Variants in RPGRIP1 observed in about 807,000 individuals in gnomAD.
The protein encoded by RPGRIP1 is X-linked retinitis pigmentosa GTPase regulator-interacting protein 1.
In RPGRIP1, 128 loss-of-function variants were observed where a neutral mutation model predicts 157.9. The observed-to-expected ratio is 0.81, with a 90% CI of 0.70 to 0.94. The LOEUF (loss-of-function observed/expected upper bound fraction) is 0.94. RPGRIP1 is among the 40% of genes least tolerant of loss of function. RPGRIP1 has a pLI of 0.00. For missense variants in RPGRIP1, 1,486 were observed against 1,545.8 expected (o/e 0.96, Z 0.65); for synonymous variants, 554 against 571.6 (o/e 0.97, Z 0.44).
intron 2 of RPGRIP1, among the ~76,000 whole-genome samples, chr14:21,288,290 C>T (rs1481966813): frequency 6.6e-6 from 1 of 150,840 alleles, no homozygotes; most frequent in African/African-American, 2.4e-5. Context: ...AAGCAATTCT[C>T]CTGTCTTAGC....
At chr14:21,341,271 A>G (rs777806512) in intron 21 of RPGRIP1, among the ~76,000 whole-genome samples, 2 of 152,132 alleles carry the variant, frequency 1.3e-5, no homozygotes, top group Non-Finnish European at 2.9e-5. Flanking sequence ...CCTCAGGTCA[A>G]CTGCCCGCCT....
intron 8 of RPGRIP1, among the ~76,000 whole-genome samples, chr14:21,311,278 G>A (rs551825200): frequency 2.0e-5 from 3 of 152,350 alleles, no homozygotes; most frequent in East Asian, 1.9e-4. Flanking sequence ...AGGGCCAGGC[G>A]CGGTGGCTCA....
intron 19 of RPGRIP1, among the ~76,000 whole-genome samples, chr14:21,330,042 C>T (rs1387083281): frequency 1.3e-5 from 2 of 151,196 alleles, no homozygotes; most frequent in African/African-American, 4.8e-5. Flanking sequence ...TGCTTGAACC[C>T]AGGAGGCGAA....
Position 21,321,291 on chromosome 14 carries a change from A to G in RPGRIP1, c.1500A>G (p.Lys500=). 1 of 1,613,804 alleles carries G rather than the reference A, an allele frequency of 6.2e-7. No homozygotes were observed. The highest frequency in any genetic ancestry group is 1.3e-5 in the African/African-American group (1 of 75,040). The change falls in exon 13 of 25, where the codon AAA becomes AAG. Residue 500 remains lysine, a synonymous_variant. Transcript: ENST00000400017. ...AACCCAAAAACCAAGAAGAAAAGAA[A>G]CTGTCCCAGGTGCTAAATGAGTTGC... ...PSEPKNQEEK[K]LSQVLNELQV... is the part of the protein sequence containing the mutation.
chr14:21,318,060 T>A (rs188133143), intron 11 of RPGRIP1: 32 of 693,980 alleles, frequency 4.6e-5, no homozygotes, highest in African/African-American at 4.4e-4. Context: ...TACTTTTTCC[T>A]ATATAATGTC....
At chr14:21,331,066 T>C (rs1037987205) in intron 20 of RPGRIP1, among the ~76,000 whole-genome samples, 5 of 151,594 alleles carry the variant, frequency 3.3e-5, no homozygotes, top group Admixed American at 3.3e-4. Flanking sequence ...TGTGCCACCA[T>C]CCCCGGCTAA....
rs1355679266 is a variant in RPGRIP1 at position 21,351,233 on chromosome 14, C to T, written c.*17C>T. ...TTTTCATGAAGGAACAAGTGCTATTCCAATCTAAAAGTCTCTGAGGGAACC... is the reference window on the plus strand; with the variant it reads ...TTTTCATGAAGGAACAAGTGCTATTTCAATCTAAAAGTCTCTGAGGGAACC... On this transcript the variant is annotated 3_prime_UTR_variant, in exon 25 of 25. Transcript: ENST00000400017. 2.0e-6 allele frequency: 3 copies of T among 1,470,468 alleles called. No individual in the cohort carries two copies. Among genetic ancestry groups the T allele is most frequent in the African/African-American group, 1.4e-5 (1 of 72,100 alleles). 91.1% of individuals were successfully genotyped at this position (1,470,468 alleles called of 1,614,324 possible). A position where few individuals can be genotyped will look rare whatever the true frequency, so the allele number is the denominator to read the frequency against.
intron 22 of RPGRIP1, among the ~76,000 whole-genome samples, 152 bp from the exon 23 acceptor site, chr14:21,344,961 A>G (rs1338086619): frequency 6.6e-6 from 1 of 152,036 alleles, no homozygotes; most frequent in Non-Finnish European, 1.5e-5. Flanking sequence ...CACACAAATG[A>G]TTTTCAAAGC....
rs1281599784 is a variant in RPGRIP1, at chr14:21,324,629, G to C, written c.1774G>C (p.Asp592His). The change falls in exon 15 of 25, where the codon GAT (aspartate) becomes CAT (histidine). Residue 592 changes from aspartate (D) to histidine (H), a missense_variant. Coordinates refer to ENST00000400017, the MANE Select transcript of RPGRIP1 (RefSeq NM_020366.4). ...TCTTTCCCCTCTAGAACAGCTCAAA[G>C]ATGTTGCTTATGGCACCCGACCGTT... The part of the protein sequence containing the change: ...HDLPTSEQLK[D>H]VAYGTRPLSL... 1.2e-5 allele frequency: 20 copies of C among 1,613,398 alleles called. No individual in the cohort carries two copies. The highest frequency in any genetic ancestry group is 1.5e-5 in the Non-Finnish European group (18 of 1,179,878).
chr14:21,336,790 C>G (rs1884410983), intron 21 of RPGRIP1, among the ~76,000 whole-genome samples: 1 of 151,856 alleles, frequency 6.6e-6, no homozygotes, highest in African/African-American at 2.4e-5. Flanking sequence ...CTCAAGTAAC[C>G]AAAAAAAGCA....
rs571068926 is a variant in RPGRIP1, at chr14:21,329,649, G to C, written c.3100-600G>C. 6.0e-5 allele frequency among the ~76,000 whole-genome samples: 9 copies of C among 150,172 alleles called. No homozygotes were observed. In the South Asian group the frequency reaches 1.7e-3, roughly 28 times the overall value. On this transcript the variant is annotated intron_variant, in intron 19 of 24. Transcript: ENST00000400017. Reference sequence around the variant, plus strand: ...CCCAAGTAGCTGGGATTACAGGCACGTGCCACCACACCCAGCTAATTTTTG... The same window carrying C: ...CCCAAGTAGCTGGGATTACAGGCACCTGCCACCACACCCAGCTAATTTTTG...
chr14:21,312,709 G>C (rs1435703446), intron 10 of RPGRIP1, among the ~76,000 whole-genome samples: 1 of 148,864 alleles, frequency 6.7e-6, no homozygotes, highest in Non-Finnish European at 1.5e-5. Flanking sequence ...TTTTTTTTGA[G>C]ATGGAGTCTC....
chr14:21,343,334 T>A (rs1270372230), intron 22 of RPGRIP1, 106 bp downstream of exon 22: 1 of 820,228 alleles, frequency 1.2e-6, no homozygotes, highest in Admixed American at 2.9e-5. Flanking sequence ...CCATTTCACT[T>A]TATTATTTTA....
chr14:21,286,726 T>C lies in RPGRIP1; in HGVS notation c.-38-1213T>C, dbSNP rs1036827738. Among the ~76,000 whole-genome samples the C allele has an allele frequency of 4.0e-5, 6 of 151,744 alleles. No homozygotes were observed. The Admixed American group carries it at 4.0e-4, about 10-fold the overall frequency. ...AGGAGAATTGCTTGAACCCAGCAGG[T>C]GGAGGTTGTGGTGAGCTGAGATTAC... On this transcript the variant is annotated intron_variant, in intron 1 of 24. Coordinates refer to ENST00000400017, the MANE Select transcript of RPGRIP1 (RefSeq NM_020366.4).
chr14:21,319,118 G>A (rs1157897164), intron 11 of RPGRIP1, among the ~76,000 whole-genome samples: 1 of 152,160 alleles, frequency 6.6e-6, no homozygotes, highest in Non-Finnish European at 1.5e-5. Flanking sequence ...ATAGAGGCAA[G>A]AACCATGTTT....
chr14:21,343,404 A>G (rs938413517), intron 22 of RPGRIP1, among the ~76,000 whole-genome samples, 176 bp downstream of exon 22: 4 of 152,200 alleles, frequency 2.6e-5, no homozygotes, highest in Non-Finnish European at 4.4e-5. Flanking sequence ...AACATTTTAC[A>G]TGAAGCAGGC....
In RPGRIP1 at chr14:21,307,781, A is replaced by G. The variant is rs558608708; in HGVS notation, c.851A>G (p.His284Arg). 8 of 1,570,102 alleles carry G rather than the reference A, an allele frequency of 5.1e-6. No homozygotes were observed. Among genetic ancestry groups the G allele is most frequent in the African/African-American group, 1.4e-5 (1 of 74,026 alleles). ...VELIRLKKLL[H>R]ERNASLVMTK... is the part of the protein sequence containing the mutation. ...CTGATTCGACTTAAGAAGCTCTTACATGAAAGAAATGCTTCATTGGTTATG... is the reference window on the plus strand; with the variant it reads ...CTGATTCGACTTAAGAAGCTCTTACGTGAAAGAAATGCTTCATTGGTTATG... Residue 284 changes from histidine to arginine, a missense_variant, in exon 7 of 25, where the codon CAT becomes CGT. Coordinates refer to ENST00000400017, the MANE Select transcript of RPGRIP1 (RefSeq NM_020366.4).
At chr14:21,333,136 G>T (rs1266145238) in intron 20 of RPGRIP1, among the ~76,000 whole-genome samples, 1 of 152,162 alleles carries the variant, frequency 6.6e-6, no homozygotes, top group African/African-American at 2.4e-5. Context: ...AAAAGCACCA[G>T]TTAGTACTCG....
intron 3 of RPGRIP1, among the ~76,000 whole-genome samples, chr14:21,295,718 C>T (rs1385124621): frequency 9.2e-5 from 14 of 151,948 alleles, no homozygotes; most frequent in Non-Finnish European, 1.3e-4. Context: ...TCAGGTGATC[C>T]GCCTGCCTCG....
Sources: gnomAD v4.1 joint callset for allele counts (sites outside exome capture counted in the v4.1 genomes callset) on GRCh38, gnomAD v4.1.1 for gene constraint, MANE v1.5 for transcripts, NCBI Gene and HGNC (gene_info 2026-07-23, HGNC 2026-07-21) for gene names.